KIZ: variants seen among roughly 807,000 people sequenced by gnomAD.
KIZ encodes kizuna centrosomal protein.
Under a neutral mutation model 79.6 loss-of-function variants are expected in KIZ, and 68 were observed. That is an observed-to-expected ratio of 0.85 (90% confidence interval 0.70 to 1.05). The LOEUF (loss-of-function observed/expected upper bound fraction) is 1.05. Ranked by LOEUF, KIZ falls within the 50% of genes least tolerant of loss-of-function variation. KIZ has a pLI of 0.00. For synonymous variants in KIZ, 280 were observed against 281.8 expected, an observed-to-expected ratio of 0.99 and a Z score of 0.06; for missense variants, 797 against 800.4, an observed-to-expected ratio of 1.00 and a Z score of 0.05.
chr20:21,190,067 A>G (rs1366356409), intron 6 of KIZ, among the ~76,000 whole-genome samples: 2 of 152,206 alleles, frequency 1.3e-5, no homozygotes, highest in African/African-American at 4.8e-5. Flanking sequence ...CCTGTATACA[A>G]ACTTCACTGT....
intron 9 of KIZ, among the ~76,000 whole-genome samples, chr20:21,222,103 C>G (rs6075778): frequency 9.2e-5 from 14 of 152,372 alleles, no homozygotes; most frequent in Admixed American, 5.2e-4. Context: ...CCCATGGAGC[C>G]TGCTGCCTGC....
At chr20:21,235,601 C>T (rs982497079) in intron 11 of KIZ, among the ~76,000 whole-genome samples, 3 of 152,216 alleles carry the variant, frequency 2.0e-5, no homozygotes, top group African/African-American at 4.8e-5. Context: ...TTCACTCTCC[C>T]GGATCCATTT....
intron 9 of KIZ, among the ~76,000 whole-genome samples, chr20:21,216,734 T>C (rs2123318715): frequency 6.6e-6 from 1 of 152,344 alleles, no homozygotes. Context: ...TGGATACTTT[T>C]CTCTTGCATT....
intron 6 of KIZ, among the ~76,000 whole-genome samples, chr20:21,201,915 C>T (rs1037002793): frequency 5.9e-5 from 9 of 152,256 alleles, no homozygotes; most frequent in African/African-American, 2.2e-4. Flanking sequence ...CAAAAGAAAT[C>T]TGCAAGTCAG....
intron 10 of KIZ, among the ~76,000 whole-genome samples, chr20:21,229,590 T>C (rs1313617354): frequency 6.6e-6 from 1 of 152,176 alleles, no homozygotes; most frequent in Non-Finnish European, 1.5e-5. Context: ...CATTTTATTT[T>C]ATTGTGAGAC....
At chr20:21,169,723 A>G (rs909813469) in intron 6 of KIZ, among the ~76,000 whole-genome samples, 4 of 151,958 alleles carry the variant, frequency 2.6e-5, no homozygotes, top group Non-Finnish European at 5.9e-5. Flanking sequence ...TGCTCCATCT[A>G]CTCACCCCTC....
At chr20:21,145,117 CATG>C (rs1207019221) in intron 3 of KIZ, among the ~76,000 whole-genome samples, 1 of 151,594 alleles carries the variant, frequency 6.6e-6, no homozygotes, top group African/African-American at 2.4e-5. Context: ...CGATCAGAAT[CATG>C]ATATTTTGTA....
At chr20:21,130,748 ATAG>A (rs1351016504) in intron 1 of KIZ, among the ~76,000 whole-genome samples, 1 of 152,204 alleles carries the variant, frequency 6.6e-6, no homozygotes, top group Non-Finnish European at 1.5e-5. Context: ...TTTTGGTTAA[ATAG>A]TAGTTTCCAT....
chr20:21,160,041 T>C (rs911659196), intron 4 of KIZ, among the ~76,000 whole-genome samples: 2 of 152,252 alleles, frequency 1.3e-5, no homozygotes, highest in African/African-American at 4.8e-5. Flanking sequence ...TGAATTCTTA[T>C]AATTTTATGT....
At chr20:21,126,875 A>C (rs2031513345) in intron 1 of KIZ, among the ~76,000 whole-genome samples, 1 of 152,216 alleles carries the variant, frequency 6.6e-6, no homozygotes, top group African/African-American at 2.4e-5. Flanking sequence ...ATGTACTATG[A>C]ATAACCACGT....
At chr20:21,222,885 G>C (rs536811304) in intron 9 of KIZ, among the ~76,000 whole-genome samples, 1 of 152,200 alleles carries the variant, frequency 6.6e-6, no homozygotes, top group Admixed American at 6.5e-5. Flanking sequence ...ATAAGGTCAC[G>C]TTCTGAGGTT....
rs115300323 is a variant in KIZ, at chr20:21,126,291, T to C, written c.89+87T>C. 5,228 of 945,416 alleles carry C rather than the reference T, an allele frequency of 5.5e-3. 88 individuals are homozygous for C. The highest frequency in any genetic ancestry group is 0.054 in the African/African-American group (3,150 of 57,818). 58.6% of individuals were successfully genotyped at this position (945,416 alleles called of 1,614,324 possible). On this transcript the variant is annotated intron_variant, in intron 1 of 12. Coordinates refer to ENST00000619189, the MANE Select transcript of KIZ (RefSeq NM_018474.6). ...CCCCATTTTCCTTCCCGCTCCCCCG[T>C]CCGAGGTTCCCCGGGGCCCAGGCCC...
At chr20:21,136,302 C>T in intron 2 of KIZ, 88 bp from the exon 3 acceptor site, 1 of 760,126 alleles carries the variant, frequency 1.3e-6, no homozygotes, top group African/African-American at 1.8e-5. Context: ...AATACATTGT[C>T]TCATTAACAA....
At chr20:21,227,786 CA>C (rs954822394) in intron 9 of KIZ, among the ~76,000 whole-genome samples, 16 of 152,162 alleles carry the variant, frequency 1.1e-4, no homozygotes, top group Non-Finnish European at 2.4e-4. Flanking sequence ...ACACATTACA[CA>C]AAACAGTACT....
At chr20:21,202,564 G>A (rs1348206248) in intron 6 of KIZ, among the ~76,000 whole-genome samples, 1 of 152,162 alleles carries the variant, frequency 6.6e-6, no homozygotes, top group Non-Finnish European at 1.5e-5. Context: ...GAAAAAAATA[G>A]GGTTAGGTCA....
chr20:21,178,429 A>G (rs1050720379), intron 6 of KIZ, among the ~76,000 whole-genome samples: 22 of 151,434 alleles, frequency 1.5e-4, no homozygotes, highest in Admixed American at 1.2e-3. Context: ...TTGATTTTGT[A>G]TCCTACAACT....
chr20:21,183,758 C>G (rs62217861), intron 6 of KIZ, among the ~76,000 whole-genome samples: 2,826 of 152,242 alleles, frequency 0.019, 34 homozygotes, highest in Non-Finnish European at 0.029. Context: ...AGGACTCATT[C>G]ACTGCATATG....
chr20:21,155,732 G>T (rs140741986), intron 4 of KIZ, among the ~76,000 whole-genome samples: 1 of 152,136 alleles, frequency 6.6e-6, no homozygotes, highest in African/African-American at 2.4e-5. Context: ...TAAATTTACC[G>T]TATCTAAGTA....
At chr20:21,203,925 A>G (rs2035696265) in intron 6 of KIZ, among the ~76,000 whole-genome samples, 3 of 152,018 alleles carry the variant, frequency 2.0e-5, no homozygotes, top group Admixed American at 1.3e-4. Flanking sequence ...TGGAAAATCT[A>G]TACCCATTAA....
Sources: allele counts gnomAD v4.1 joint callset (sites outside exome capture counted in the v4.1 genomes callset), GRCh38; gene constraint gnomAD v4.1.1; transcripts MANE v1.5; gene names NCBI Gene and HGNC (gene_info 2026-07-23, HGNC 2026-07-21).